OSBPL6: variants seen among roughly 807,000 people sequenced by gnomAD.
OSBPL6 encodes oxysterol-binding protein-related protein 6.
In OSBPL6, 49 loss-of-function variants were observed where a neutral mutation model predicts 125.8. That is an observed-to-expected ratio of 0.39 (90% confidence interval 0.31 to 0.49). The LOEUF is 0.49. Among genes scored for constraint, OSBPL6 ranks in the 20% least tolerant of loss-of-function variants. The probability of loss-of-function intolerance (pLI) is 0.88; values close to 1 mark genes in which losing one functional copy is unlikely to be tolerated. For missense variants in OSBPL6, 986 were observed against 1,135.4 expected, an observed-to-expected ratio of 0.87 and a Z score of 1.89; for synonymous variants, 394 against 391.8, an observed-to-expected ratio of 1.01 and a Z score of -0.07.
chr2:178,361,921 A>G lies in OSBPL6; in HGVS notation c.1287+106A>G, dbSNP rs955598950. ...CAGGGAGGTGGCTAGTCATGGGGAT[A>G]GTACAGTTTGCAGAATTTCCCCCAA... On this transcript the variant is annotated intron_variant, in intron 13 of 24. Transcript: ENST00000190611. 10 of 1,339,338 alleles carry G rather than the reference A, an allele frequency of 7.5e-6. No homozygotes were observed. The Admixed American group carries it at 2.7e-4, about 36-fold the overall frequency. 83.0% of individuals were successfully genotyped at this position (1,339,338 alleles called of 1,614,324 possible).
chr2:178,207,098 T>C (rs1175133340), intron 1 of OSBPL6, among the ~76,000 whole-genome samples: 3 of 152,184 alleles, frequency 2.0e-5, no homozygotes, highest in African/African-American at 4.8e-5. Context: ...AGTGGGTCCC[T>C]GCCTATAAAG....
At position 178,402,257 on chromosome 2, in the gene OSBPL6, A is replaced by G. The variant is rs1011814145; in HGVS notation, c.*6698A>G. On this transcript the variant is annotated 3_prime_UTR_variant, in exon 25 of 25. Transcript: ENST00000190611. ...TGGGGAGGACAGAACTCTGAAACCT[A>G]AAAGGCAAGATTTTTGCTAAACCGG... 6.6e-6 allele frequency: 1 copy of G among 152,174 alleles called. No homozygotes were observed. Among genetic ancestry groups the G allele is most frequent in the African/African-American group, 2.4e-5 (1 of 41,392 alleles). The allele number at this position is 152,174 out of a possible 1,614,324, so 9.4% of individuals were successfully genotyped here.
At chr2:178,244,054 G>A (rs1221102554) in intron 1 of OSBPL6, among the ~76,000 whole-genome samples, 1 of 152,188 alleles carries the variant, frequency 6.6e-6, no homozygotes, top group Non-Finnish European at 1.5e-5. Context: ...TTTATTGGCT[G>A]TAAATTATCT....
intron 1 of OSBPL6, among the ~76,000 whole-genome samples, chr2:178,212,771 G>A (rs181902194): frequency 4.9e-4 from 75 of 151,710 alleles, no homozygotes; most frequent in African/African-American, 1.8e-3. Flanking sequence ...ACATTTTTAT[G>A]TAAACGAGTG....
chr2:178,322,679 G>T (rs73032548), intron 3 of OSBPL6, among the ~76,000 whole-genome samples: 1,877 of 152,056 alleles, frequency 0.012, 47 homozygotes, highest in African/African-American at 0.043. Flanking sequence ...TAAATAGTGA[G>T]GGAGAAACTT....
At chr2:178,214,447 G>A (rs1490203076) in intron 1 of OSBPL6, among the ~76,000 whole-genome samples, 3 of 152,162 alleles carry the variant, frequency 2.0e-5, no homozygotes, top group African/African-American at 7.2e-5. Context: ...GGCTGGCTAG[G>A]CAAGTACAAA....
chr2:178,334,801 C>T (rs1225990880), intron 8 of OSBPL6, among the ~76,000 whole-genome samples: 2 of 152,166 alleles, frequency 1.3e-5, no homozygotes, highest in Non-Finnish European at 2.9e-5. Context: ...GGATTACAGG[C>T]GTGAGCCACC....
chr2:178,255,320 C>CA (rs1031870616), intron 1 of OSBPL6, among the ~76,000 whole-genome samples: 10 of 152,194 alleles, frequency 6.6e-5, no homozygotes, highest in Admixed American at 4.6e-4. Context: ...AAACAAAAAA[C>CA]AAAAAACAAA....
At chr2:178,303,990 G>C (rs1686525472) in intron 2 of OSBPL6, among the ~76,000 whole-genome samples, 1 of 152,132 alleles carries the variant, frequency 6.6e-6, no homozygotes, top group South Asian at 2.1e-4. Flanking sequence ...AAATGCCAAT[G>C]TCTTAGTCCA....
chr2:178,395,873 A>G lies in OSBPL6; in HGVS notation c.*314A>G. ...CCAAAGTCTGACCAGTTTGTAAAGA[A>G]AAACAAATGGTAACTGGTGCTTAAA... On this transcript the variant is annotated 3_prime_UTR_variant, in exon 25 of 25. Coordinates refer to ENST00000190611, the MANE Select transcript of OSBPL6 (RefSeq NM_032523.4). 1 of 423,466 alleles carries G rather than the reference A, an allele frequency of 2.4e-6. No homozygotes were observed. The highest frequency in any genetic ancestry group is 4.5e-6 in the Non-Finnish European group (1 of 222,060). 26.2% of individuals were successfully genotyped at this position (423,466 alleles called of 1,614,324 possible). A position where few individuals can be genotyped will look rare whatever the true frequency, so the allele number is the denominator to read the frequency against.
At chr2:178,211,654 C>A (rs1028809116) in intron 1 of OSBPL6, among the ~76,000 whole-genome samples, 1 of 152,160 alleles carries the variant, frequency 6.6e-6, no homozygotes, top group Non-Finnish European at 1.5e-5. Context: ...CATTCTGAAG[C>A]ACTCACTACA....
intron 1 of OSBPL6, among the ~76,000 whole-genome samples, chr2:178,210,842 ACACACACC>A (rs1244763891): frequency 6.6e-6 from 1 of 151,576 alleles, no homozygotes; most frequent in African/African-American, 2.4e-5. Context: ...ACACACACAC[ACACACACC>A]CCTCTCTGCT....
chr2:178,243,293 T>C (rs1299038177), intron 1 of OSBPL6, among the ~76,000 whole-genome samples: 1 of 152,204 alleles, frequency 6.6e-6, no homozygotes, highest in Non-Finnish European at 1.5e-5. Context: ...AAGAGTGAAA[T>C]GGCACATATG....
rs1016350126 is a variant in OSBPL6 at position 178,205,141 on chromosome 2, C to T, written c.-351+10467C>T. ...AACCCAGTTTCCTGTAGCTCCAAAG[C>T]CAATTGGCCCATAATGCCTTTTCCT... On this transcript the variant is annotated intron_variant, in intron 1 of 24. Coordinates refer to ENST00000190611, the MANE Select transcript of OSBPL6 (RefSeq NM_032523.4). Among the ~76,000 whole-genome samples, 11 of 152,304 alleles carry T rather than the reference C, an allele frequency of 7.2e-5. No homozygotes were observed. The East Asian group carries it at 1.3e-3, about 19-fold the overall frequency.
chr2:178,314,889 T>C lies in OSBPL6; in HGVS notation c.102+8603T>C, dbSNP rs552088828. ...TTAGATGTTGTAATGCTTGCCAAGC[T>C]GGATGTCCAGGCCTCCTGTATACTT... On this transcript the variant is annotated intron_variant, in intron 3 of 24. Transcript: ENST00000190611. Among the ~76,000 whole-genome samples the C allele has an allele frequency of 3.3e-5, 5 of 152,330 alleles. 1 individual carries two copies. The East Asian group carries it at 9.7e-4, about 29-fold the overall frequency.
chr2:178,328,443 C>T (rs1049976654), intron 5 of OSBPL6, 65 bp downstream of exon 5: 3 of 1,570,806 alleles, frequency 1.9e-6, no homozygotes, highest in Admixed American at 1.9e-5. Context: ...TATTTGCTAT[C>T]ATGGGGTGGG....
chr2:178,317,519 C>A (rs1687866493), intron 3 of OSBPL6, among the ~76,000 whole-genome samples: 1 of 139,668 alleles, frequency 7.2e-6, no homozygotes, highest in Non-Finnish European at 1.5e-5. Flanking sequence ...TTTATGAGAA[C>A]ATATTGTATA....
chr2:178,210,604 T>G (rs1198737638), intron 1 of OSBPL6, among the ~76,000 whole-genome samples: 3 of 151,960 alleles, frequency 2.0e-5, no homozygotes, highest in African/African-American at 7.3e-5. Flanking sequence ...GTCAGGGGTT[T>G]GACACCAGCC....
intron 15 of OSBPL6, among the ~76,000 whole-genome samples, chr2:178,380,384 T>C (rs1478224837): frequency 7.2e-6 from 1 of 139,100 alleles, no homozygotes; most frequent in African/African-American, 2.7e-5. Flanking sequence ...CCAGGAGTTA[T>C]GAGCTCAGGT....
Sources: allele counts gnomAD v4.1 joint callset (sites outside exome capture counted in the v4.1 genomes callset), GRCh38; gene constraint gnomAD v4.1.1; transcripts MANE v1.5; gene names NCBI Gene and HGNC (gene_info 2026-07-23, HGNC 2026-07-21).